Variants in THEMIS observed in about 807,000 individuals in gnomAD.
THEMIS encodes protein THEMIS.
Under a neutral mutation model 52.6 loss-of-function variants are expected in THEMIS, and 37 were observed. That is an observed-to-expected ratio of 0.70 (90% confidence interval 0.54 to 0.93). The LOEUF (loss-of-function observed/expected upper bound fraction) is 0.93, where lower values mean the gene tolerates loss of function less well. Among genes scored for constraint, THEMIS ranks in the 40% least tolerant of loss-of-function variants. The pLI, the probability that THEMIS is intolerant of heterozygous loss-of-function variation, is 0.00. For missense variants in THEMIS, 808 were observed against 763.1 expected (o/e 1.06, Z -0.69); for synonymous variants, 292 against 272.7 (o/e 1.07, Z -0.70).
intron 4 of THEMIS, among the ~76,000 whole-genome samples, chr6:127,763,179 G>T (rs1562241830): frequency 6.6e-6 from 1 of 151,940 alleles, no homozygotes; most frequent in African/African-American, 2.4e-5. Context: ...ACAGGGAAAG[G>T]TCAATTTAGA....
chr6:127,743,876 G>A (rs1168618906), intron 4 of THEMIS, among the ~76,000 whole-genome samples: 1 of 152,008 alleles, frequency 6.6e-6, no homozygotes, highest in African/African-American at 2.4e-5. Flanking sequence ...ATTTCCCTAG[G>A]TTAAAGTGCG....
intron 1 of THEMIS, among the ~76,000 whole-genome samples, chr6:127,877,564 G>A (rs1448544968): frequency 6.6e-6 from 1 of 152,144 alleles, no homozygotes; most frequent in African/African-American, 2.4e-5. Context: ...ACAAGGAGAG[G>A]AAGAGATGGG....
chr6:127,716,342 A>G (rs1276915225), intron 5 of THEMIS, among the ~76,000 whole-genome samples: 3 of 151,902 alleles, frequency 2.0e-5, no homozygotes, highest in South Asian at 4.2e-4. Context: ...GACCCACATA[A>G]TAATCAGATC....
At chr6:127,791,444 G>A (rs1350788109) in intron 4 of THEMIS, among the ~76,000 whole-genome samples, 1 of 152,196 alleles carries the variant, frequency 6.6e-6, no homozygotes, top group Non-Finnish European at 1.5e-5. Flanking sequence ...AAGTCTGGCT[G>A]AGTCCAAGAT....
At chr6:127,870,541 T>A (rs76115649) in intron 1 of THEMIS, among the ~76,000 whole-genome samples, 1,917 of 152,234 alleles carry the variant, frequency 0.013, 43 homozygotes, top group African/African-American at 0.043. Flanking sequence ...TACGTTTTTT[T>A]AAAAACAAAG....
chr6:127,758,764 A>T (rs1775919699), intron 4 of THEMIS, among the ~76,000 whole-genome samples: 1 of 152,122 alleles, frequency 6.6e-6, no homozygotes, highest in South Asian at 2.1e-4. Flanking sequence ...TGATACAGGT[A>T]ATCACATGAA....
chr6:127,865,194 AC>A (rs1437091465), intron 1 of THEMIS, among the ~76,000 whole-genome samples: 4 of 152,110 alleles, frequency 2.6e-5, no homozygotes, highest in Non-Finnish European at 5.9e-5. Flanking sequence ...CAGGTGAAAA[AC>A]AAAACAAACA....
chr6:127,753,472 C>G (rs1335187899), intron 4 of THEMIS, among the ~76,000 whole-genome samples: 1 of 151,802 alleles, frequency 6.6e-6, no homozygotes, highest in Non-Finnish European at 1.5e-5. Flanking sequence ...AAGATCTGTA[C>G]ACTAAAATCT....
intron 1 of THEMIS, among the ~76,000 whole-genome samples, chr6:127,898,089 C>T (rs1781026676): frequency 6.6e-6 from 1 of 151,610 alleles, no homozygotes; most frequent in African/African-American, 2.4e-5. Context: ...ATAGTGGTTA[C>T]ACTTGAGGGA....
intron 4 of THEMIS, among the ~76,000 whole-genome samples, chr6:127,741,963 G>A (rs933010375): frequency 1.3e-5 from 2 of 152,128 alleles, no homozygotes; most frequent in African/African-American, 2.4e-5. Flanking sequence ...GAGTGGGCAA[G>A]GAGGATATGA....
At chr6:127,844,587 GAA>G (rs34392593) in intron 2 of THEMIS, among the ~76,000 whole-genome samples, 1 of 146,134 alleles carries the variant, frequency 6.8e-6, no homozygotes. Context: ...TGCTGTTTGG[GAA>G]AAAAAAAAAT....
chr6:127,881,868 TTTTATC>T (rs1471416084), intron 1 of THEMIS, among the ~76,000 whole-genome samples: 1 of 151,846 alleles, frequency 6.6e-6, no homozygotes, highest in Non-Finnish European at 1.5e-5. Context: ...AACTTCACAT[TTTTATC>T]TTTATTTTTA....
intron 4 of THEMIS, among the ~76,000 whole-genome samples, chr6:127,785,756 T>C (rs546170888): frequency 7.5e-4 from 114 of 152,018 alleles, no homozygotes; most frequent in Non-Finnish European, 1.3e-3. Context: ...ATGAAGTGAC[T>C]CATTATATGA....
chr6:127,778,027 C>A (rs898738777), intron 4 of THEMIS, among the ~76,000 whole-genome samples: 1 of 152,094 alleles, frequency 6.6e-6, no homozygotes, highest in Non-Finnish European at 1.5e-5. Context: ...TGTACAAATG[C>A]AGAAACACTA....
intron 1 of THEMIS, among the ~76,000 whole-genome samples, chr6:127,915,276 C>A (rs893732422): frequency 1.3e-5 from 2 of 152,088 alleles, no homozygotes; most frequent in Non-Finnish European, 2.9e-5. Flanking sequence ...TGTTTTGGTA[C>A]AACTAGGCTA....
intron 2 of THEMIS, among the ~76,000 whole-genome samples, chr6:127,852,620 G>T (rs1779468478): frequency 6.6e-6 from 1 of 151,478 alleles, no homozygotes; most frequent in Non-Finnish European, 1.5e-5. Context: ...AATACCATTT[G>T]ACTTTTTAAG....
At chr6:127,891,127 T>C (rs1780792292) in intron 1 of THEMIS, among the ~76,000 whole-genome samples, 2 of 152,192 alleles carry the variant, frequency 1.3e-5, no homozygotes, top group South Asian at 2.1e-4. Context: ...CCCCTGGTCT[T>C]CATGACTCTG....
chr6:127,909,672 A>T (rs1781362762), intron 1 of THEMIS, among the ~76,000 whole-genome samples: 1 of 152,118 alleles, frequency 6.6e-6, no homozygotes, highest in African/African-American at 2.4e-5. Context: ...AGTATATTTA[A>T]CAGTCCCAGT....
intron 1 of THEMIS, among the ~76,000 whole-genome samples, chr6:127,898,487 A>G (rs1317592598): frequency 6.6e-6 from 1 of 151,936 alleles, no homozygotes; most frequent in East Asian, 1.9e-4. Flanking sequence ...TATCAAAAAG[A>G]TAAAAAATAA....
Sources: allele counts gnomAD v4.1 joint callset (sites outside exome capture counted in the v4.1 genomes callset), GRCh38; gene constraint gnomAD v4.1.1; transcripts MANE v1.5; gene names NCBI Gene and HGNC (gene_info 2026-07-23, HGNC 2026-07-21).